The following PTPRM variants were observed in gnomAD, a reference collection of about 807,000 sequenced individuals.
PTPRM encodes the protein protein tyrosine phosphatase receptor type M, also known as receptor-type tyrosine-protein phosphatase mu.
PTPRM carries 47 observed loss-of-function variants against 186.7 expected under a neutral mutation model. That is an observed-to-expected ratio of 0.25 (90% CI 0.20 to 0.32). PTPRM has a LOEUF of 0.32. Ranked by LOEUF, PTPRM falls within the 10% of genes least tolerant of loss-of-function variation. The probability of loss-of-function intolerance (pLI) is 1.00; values close to 1 mark genes in which losing one functional copy is unlikely to be tolerated. For synonymous variants in PTPRM, 668 were observed against 674.9 expected, an observed-to-expected ratio of 0.99 and a Z score of 0.16; for missense variants, 1,494 against 1,865.0, an observed-to-expected ratio of 0.80 and a Z score of 3.66.
At chr18:7,880,573 C>T (rs1012427978) in intron 2 of PTPRM, among the ~76,000 whole-genome samples, 2 of 152,200 alleles carry the variant, frequency 1.3e-5, no homozygotes, top group Non-Finnish European at 2.9e-5. Context: ...AATGTGAATG[C>T]AGCTTGGAGA....
chr18:7,916,443 G>A (rs9961274), intron 4 of PTPRM, among the ~76,000 whole-genome samples: 68,162 of 151,822 alleles, frequency 0.45, 19,060 homozygotes, highest in African/African-American at 0.78. Context: ...GTATTTTTTA[G>A]AATAAACAGC....
chr18:7,614,670 G>T (rs932245292), intron 1 of PTPRM, among the ~76,000 whole-genome samples: 11 of 152,178 alleles, frequency 7.2e-5, no homozygotes, highest in African/African-American at 2.7e-4. Context: ...CCTGTCTAAT[G>T]TGAAATAGTG....
At chr18:8,402,122 G>A (rs2095875429) in intron 32 of PTPRM, among the ~76,000 whole-genome samples, 1 of 152,242 alleles carries the variant, frequency 6.6e-6, no homozygotes, top group African/African-American at 2.4e-5. Flanking sequence ...GCTGAGAGAG[G>A]AAACTGCAGC....
chr18:8,069,379 G>A (rs2089317074), intron 7 of PTPRM, among the ~76,000 whole-genome samples: 1 of 152,170 alleles, frequency 6.6e-6, no homozygotes, highest in East Asian at 1.9e-4. Context: ...TAGGAAATAA[G>A]AAGGACCAAA....
chr18:7,651,483 G>A (rs2038702457), intron 1 of PTPRM, among the ~76,000 whole-genome samples: 2 of 152,160 alleles, frequency 1.3e-5, no homozygotes, highest in African/African-American at 2.4e-5. Flanking sequence ...GAGGCATCAT[G>A]CTACCTGACT....
chr18:7,640,208 G>A (rs188626062), intron 1 of PTPRM, among the ~76,000 whole-genome samples: 1 of 152,222 alleles, frequency 6.6e-6, no homozygotes, highest in East Asian at 1.9e-4. Context: ...AGCCTGTGGG[G>A]TTTCTCTCCT....
chr18:7,812,073 C>G (rs1315988507), intron 2 of PTPRM, among the ~76,000 whole-genome samples: 1 of 152,088 alleles, frequency 6.6e-6, no homozygotes. Flanking sequence ...TGAATTAAAT[C>G]CCCTTAAATG....
chr18:7,959,193 C>T (rs1441475028), intron 7 of PTPRM, among the ~76,000 whole-genome samples: 1 of 152,174 alleles, frequency 6.6e-6, no homozygotes, highest in African/African-American at 2.4e-5. Context: ...GAGTTAACTA[C>T]CATTTAATAA....
intron 1 of PTPRM, among the ~76,000 whole-genome samples, chr18:7,605,435 G>A (rs1006992724): frequency 2.0e-5 from 3 of 147,294 alleles, no homozygotes; most frequent in African/African-American, 5.2e-5. Flanking sequence ...CCCCACTTCC[G>A]TTCTAGTACC....
chr18:7,975,604 C>T (rs947104167), intron 7 of PTPRM, among the ~76,000 whole-genome samples: 3 of 152,142 alleles, frequency 2.0e-5, no homozygotes, highest in African/African-American at 4.8e-5. Context: ...AAGATTATAA[C>T]GGAGCTGAAA....
chr18:8,122,918 G>A (rs1235328657), intron 13 of PTPRM, among the ~76,000 whole-genome samples: 2 of 152,192 alleles, frequency 1.3e-5, no homozygotes, highest in Admixed American at 1.3e-4. Flanking sequence ...AAATCATGCA[G>A]TGGCATATCT....
chr18:8,071,275 C>T (rs2089456990), intron 8 of PTPRM, among the ~76,000 whole-genome samples: 1 of 152,208 alleles, frequency 6.6e-6, no homozygotes, highest in Non-Finnish European at 1.5e-5. Flanking sequence ...TCCTTCCTGC[C>T]TTACATTTCT....
Position 8,197,630 on chromosome 18 carries a change from G to A in PTPRM, c.2301-46428G>A, listed in dbSNP as rs545206875. ...TGTTTCAGCGATACGTTAATGCTGA[G>A]TTCATAGGATTAATCAGGCCACATG... On this transcript the variant is annotated intron_variant, in intron 14 of 32. Coordinates refer to ENST00000580170, the MANE Select transcript of PTPRM (RefSeq NM_001105244.2). Among the ~76,000 whole-genome samples, 385 of 152,284 alleles carry A rather than the reference G, an allele frequency of 2.5e-3. 2 individuals carry two copies. The highest frequency in any genetic ancestry group is 4.2e-3 in the Non-Finnish European group (284 of 68,018).
At chr18:7,681,286 A>G (rs2039474749) in intron 1 of PTPRM, among the ~76,000 whole-genome samples, 1 of 152,128 alleles carries the variant, frequency 6.6e-6, no homozygotes, top group African/African-American at 2.4e-5. Context: ...GGTAACTTTG[A>G]GAAGGTACTG....
At chr18:7,589,266 G>C (rs1004485946) in intron 1 of PTPRM, among the ~76,000 whole-genome samples, 1 of 152,228 alleles carries the variant, frequency 6.6e-6, no homozygotes, top group Admixed American at 6.5e-5. Flanking sequence ...TCCTTTGGTG[G>C]CTGCATGGGA....
chr18:7,881,791 T>G (rs892153874), intron 2 of PTPRM, among the ~76,000 whole-genome samples: 1 of 152,172 alleles, frequency 6.6e-6, no homozygotes, highest in Non-Finnish European at 1.5e-5. Context: ...CTCCTTTCCT[T>G]GAAGCCGGGT....
intron 7 of PTPRM, among the ~76,000 whole-genome samples, chr18:7,992,353 A>G (rs1451869597): frequency 6.6e-6 from 1 of 152,210 alleles, no homozygotes. Context: ...AGATTTATCC[A>G]CAGAAATTGA....
At chr18:7,579,116 T>G (rs542947926) in intron 1 of PTPRM, among the ~76,000 whole-genome samples, 106 of 152,282 alleles carry the variant, frequency 7.0e-4, no homozygotes, top group Non-Finnish European at 1.1e-3. Flanking sequence ...GCCAACATTA[T>G]GTTTGAAAAG....
intron 1 of PTPRM, among the ~76,000 whole-genome samples, chr18:7,680,847 G>A (rs1178353221): frequency 6.6e-6 from 1 of 152,162 alleles, no homozygotes; most frequent in East Asian, 1.9e-4. Flanking sequence ...CTATGGGGTG[G>A]GAGTGTTGCT....
Sources: gnomAD v4.1 joint callset for allele counts (sites outside exome capture counted in the v4.1 genomes callset) on GRCh38, gnomAD v4.1.1 for gene constraint, MANE v1.5 for transcripts, NCBI Gene and HGNC (gene_info 2026-07-23, HGNC 2026-07-21) for gene names.